The following CAV1 variants were observed in gnomAD, a reference collection of about 807,000 sequenced individuals.
The protein encoded by CAV1 is caveolin 1, also known as caveolin-1.
Under a neutral mutation model 16.5 loss-of-function variants are expected in CAV1, and 10 were observed. The observed-to-expected ratio is 0.61, with a 90% CI of 0.37 to 1.03. CAV1 has a LOEUF of 1.03. CAV1 is among the 50% of genes least tolerant of loss of function. The pLI, the probability that CAV1 is intolerant of heterozygous loss-of-function variation, is 0.01. For missense variants in CAV1, 212 were observed against 232.8 expected, an observed-to-expected ratio of 0.91 and a Z score of 0.58; for synonymous variants, 76 against 85.1, an observed-to-expected ratio of 0.89 and a Z score of 0.59.
chr7:116,533,398 AAAATAAAAT>A (rs1404816502), intron 2 of CAV1, among the ~76,000 whole-genome samples: 59 of 139,330 alleles, frequency 4.2e-4, no homozygotes, highest in African/African-American at 1.3e-3. Flanking sequence ...AAAATAAAAT[AAAATAAAAT>A]AAAAATAAAA....
chr7:116,536,763 G>T (rs1305623638), intron 2 of CAV1, among the ~76,000 whole-genome samples: 1 of 152,106 alleles, frequency 6.6e-6, no homozygotes, highest in African/African-American at 2.4e-5. Flanking sequence ...CAGCACTTTG[G>T]GAGGCCGAGG....
At position 116,560,208 on chromosome 7, in the gene CAV1, A is replaced by G. The variant is rs1314202511; in HGVS notation, c.*921A>G. 1 of 191,254 alleles carries G rather than the reference A, an allele frequency of 5.2e-6. No homozygotes were observed. Among genetic ancestry groups the G allele is most frequent in the Admixed American group, 6.1e-5 (1 of 16,436 alleles). The allele number at this position is 191,254 out of a possible 1,614,324, so 11.8% of individuals were successfully genotyped here. ...AGGGCTGAGCTCTCTGTGGGCTGGC[A>G]GTCCTGGAAGCCAGCTTTCCCTGCC... On this transcript the variant is annotated 3_prime_UTR_variant, in exon 3 of 3. Coordinates refer to ENST00000341049, the MANE Select transcript of CAV1 (RefSeq NM_001753.5).
intron 1 of CAV1, chr7:116,525,390 A>C: frequency 6.6e-7 from 1 of 1,513,318 alleles, no homozygotes; most frequent in Non-Finnish European, 8.9e-7. Context: ...CGTTTTCTGG[A>C]TGGGTCTAGG....
chr7:116,534,395 A>ATATATATATATATATATTTTTTTTTTT (rs1442237865), intron 2 of CAV1, among the ~76,000 whole-genome samples: 1 of 7,830 alleles, frequency 1.3e-4, no homozygotes, highest in Admixed American at 2.3e-3. Flanking sequence ...ATATATATAT[A>ATATATATATATATATATTTTTTTTTTT]TTTTTTTTTT....
At chr7:116,540,976 A>G (rs1394315438) in intron 2 of CAV1, among the ~76,000 whole-genome samples, 2 of 152,168 alleles carry the variant, frequency 1.3e-5, no homozygotes, top group South Asian at 2.1e-4. Context: ...TATTGTAAAC[A>G]CACCCATAGA....
intron 2 of CAV1, among the ~76,000 whole-genome samples, chr7:116,536,324 A>G (rs575709097): frequency 2.5e-4 from 38 of 152,264 alleles, no homozygotes; most frequent in African/African-American, 9.1e-4. Flanking sequence ...TGATGACCCA[A>G]TCAGGCTCAG....
chr7:116,528,224 C>A (rs925442465), intron 2 of CAV1, among the ~76,000 whole-genome samples: 1 of 151,924 alleles, frequency 6.6e-6, no homozygotes, highest in Non-Finnish European at 1.5e-5. Context: ...GCGAATCTCC[C>A]GGGATGAGTC....
chr7:116,525,945 G>A (rs553199635), intron 1 of CAV1: 1 of 584,584 alleles, frequency 1.7e-6, no homozygotes, highest in Non-Finnish European at 2.2e-6. Flanking sequence ...CAGGGTGGGG[G>A]GCGCGGGCAG....
In CAV1 at chr7:116,532,245, A is replaced by T. The variant is rs376279143; in HGVS notation, c.195+5556A>T. Among the ~76,000 whole-genome samples, 8 of 152,220 alleles carry T rather than the reference A, an allele frequency of 5.3e-5. 1 individual carries two copies. Among genetic ancestry groups the T allele is most frequent in the Non-Finnish European group, 7.3e-5 (5 of 68,030 alleles). ...AGCTGCAATAGTGAGCTGCATCTGG[A>T]AAGTCCAGTAATTTGAAAAACCACC... On this transcript the variant is annotated intron_variant, in intron 2 of 2. Transcript: ENST00000341049.
chr7:116,542,264 C>A (rs949214507), intron 2 of CAV1, among the ~76,000 whole-genome samples: 6 of 151,838 alleles, frequency 4.0e-5, no homozygotes, highest in African/African-American at 1.5e-4. Flanking sequence ...GTGGTCTCTG[C>A]GAAAGCTGGC....
At chr7:116,552,269 A>G (rs1794179268) in intron 2 of CAV1, among the ~76,000 whole-genome samples, 1 of 152,178 alleles carries the variant, frequency 6.6e-6, no homozygotes, top group Non-Finnish European at 1.5e-5. Flanking sequence ...GTGCCATCCC[A>G]TTTGTGCTTT....
At chr7:116,526,830 G>C (rs1457004505) in intron 2 of CAV1, 141 bp downstream of exon 2, 1 of 1,010,278 alleles carries the variant, frequency 9.9e-7, no homozygotes, top group Non-Finnish European at 1.5e-6. Flanking sequence ...ACAGAGTTTT[G>C]TGGGTTTGAT....
chr7:116,532,419 T>A (rs1793704923), intron 2 of CAV1, among the ~76,000 whole-genome samples: 1 of 152,244 alleles, frequency 6.6e-6, no homozygotes, highest in Non-Finnish European at 1.5e-5. Context: ...GACAGGGCTA[T>A]GTGCGCTCAC....
chr7:116,546,010 G>A (rs938519922), intron 2 of CAV1, among the ~76,000 whole-genome samples: 1 of 152,198 alleles, frequency 6.6e-6, no homozygotes, highest in African/African-American at 2.4e-5. Flanking sequence ...ACACTTGGAG[G>A]GGTTGTAGTT....
At chr7:116,535,143 C>A (rs1388331093) in intron 2 of CAV1, among the ~76,000 whole-genome samples, 1 of 152,192 alleles carries the variant, frequency 6.6e-6, no homozygotes, top group African/African-American at 2.4e-5. Flanking sequence ...AGCATCCAGG[C>A]ATGCTCAGAA....
At chr7:116,541,639 C>G (rs952468133) in intron 2 of CAV1, among the ~76,000 whole-genome samples, 20 of 151,776 alleles carry the variant, frequency 1.3e-4, no homozygotes, top group African/African-American at 4.6e-4. Context: ...GTAGTCTCAG[C>G]TACTTGGGGG....
chr7:116,554,092 T>C (rs1226367622), intron 2 of CAV1, among the ~76,000 whole-genome samples: 2 of 152,220 alleles, frequency 1.3e-5, no homozygotes, highest in Non-Finnish European at 2.9e-5. Flanking sequence ...CTATCTCATA[T>C]GTGACTCTAT....
chr7:116,540,249 TA>T (rs1793908792), intron 2 of CAV1, among the ~76,000 whole-genome samples: 1 of 152,078 alleles, frequency 6.6e-6, no homozygotes. Flanking sequence ...ACAACAACAA[TA>T]ACAACACATT....
chr7:116,549,802 T>C (rs189467629), intron 2 of CAV1, among the ~76,000 whole-genome samples: 1,572 of 152,262 alleles, frequency 0.01, 11 homozygotes, highest in Non-Finnish European at 0.014. Flanking sequence ...AATTAACATG[T>C]GCATAGTACC....
Sources: gnomAD v4.1 joint callset for allele counts (sites outside exome capture counted in the v4.1 genomes callset) on GRCh38, gnomAD v4.1.1 for gene constraint, MANE v1.5 for transcripts, NCBI Gene and HGNC (gene_info 2026-07-23, HGNC 2026-07-21) for gene names.